Variants in SORCS1 observed in about 807,000 individuals in gnomAD.
SORCS1 encodes the protein sortilin related VPS10 domain containing receptor 1.
In SORCS1, 60 loss-of-function variants were observed where a neutral mutation model predicts 146.1. The observed-to-expected ratio is 0.41, with a 90% CI of 0.33 to 0.51. The LOEUF (loss-of-function observed/expected upper bound fraction) is 0.51, where lower values mean the gene tolerates loss of function less well. SORCS1 is among the 20% of genes least tolerant of loss of function. The probability of loss-of-function intolerance (pLI) is 0.21; values close to 1 mark genes in which losing one functional copy is unlikely to be tolerated. For synonymous variants in SORCS1, 637 were observed against 584.0 expected, an observed-to-expected ratio of 1.09 and a Z score of -1.31; for missense variants, 1,352 against 1,487.6, an observed-to-expected ratio of 0.91 and a Z score of 1.50.
chr10:107,137,862 CA>C (rs57279379), intron 1 of SORCS1, among the ~76,000 whole-genome samples: 11,761 of 95,440 alleles, frequency 0.12, 443 homozygotes, highest in African/African-American at 0.14. Context: ...AACTCCGTCT[CA>C]AAAAAAAAAA....
At chr10:106,966,508 A>G (rs999273225) in intron 1 of SORCS1, among the ~76,000 whole-genome samples, 1 of 152,170 alleles carries the variant, frequency 6.6e-6, no homozygotes, top group Non-Finnish European at 1.5e-5. Context: ...TATTTATGTA[A>G]AATCCTCTGC....
At chr10:106,760,735 A>G (rs1859042087) in intron 5 of SORCS1, among the ~76,000 whole-genome samples, 1 of 151,412 alleles carries the variant, frequency 6.6e-6, no homozygotes, top group Non-Finnish European at 1.5e-5. Context: ...ACACACACAC[A>G]CGCACATTTG....
At chr10:107,034,929 G>T (rs1348498090) in intron 1 of SORCS1, among the ~76,000 whole-genome samples, 2 of 151,728 alleles carry the variant, frequency 1.3e-5, no homozygotes, top group African/African-American at 4.8e-5. Context: ...AATTATACAA[G>T]AATGCTAACC....
In SORCS1 at chr10:106,802,516, G is replaced by A. The variant is rs184657104; in HGVS notation, c.727-25824C>T. On this transcript the variant is annotated intron_variant, in intron 3 of 25. Transcript: ENST00000263054. ...CCAGCTAATTTTTTTTTTTTTTTTC[G>A]AGATGGAGTTTCACTCTTTTTGCCC... is the stretch of plus-strand genomic sequence containing the variant. Among the ~76,000 whole-genome samples, 114 of 143,522 alleles carry A rather than the reference G, an allele frequency of 7.9e-4. 1 individual carries two copies. Among genetic ancestry groups the A allele is most frequent in the Non-Finnish European group, 1.4e-3 (92 of 65,878 alleles). 94.2% of individuals were successfully genotyped at this position (143,522 alleles called of 152,430 possible). A position where few individuals can be genotyped will look rare whatever the true frequency, so the allele number is the denominator to read the frequency against.
chr10:106,987,667 C>A (rs1051537324), intron 1 of SORCS1, among the ~76,000 whole-genome samples: 1 of 152,164 alleles, frequency 6.6e-6, no homozygotes, highest in African/African-American at 2.4e-5. Flanking sequence ...CAGTTTCTGT[C>A]TGTTGCTGAT....
intron 2 of SORCS1, among the ~76,000 whole-genome samples, chr10:106,919,780 G>A (rs1269106379): frequency 6.6e-6 from 1 of 152,154 alleles, no homozygotes; most frequent in African/African-American, 2.4e-5. Flanking sequence ...TATGAGTGGA[G>A]TGACCATGTA....
Position 106,992,205 on chromosome 10 carries a change from C to T in SORCS1, c.559-35625G>A, listed in dbSNP as rs142024731. Reference sequence around the variant, plus strand: ...TTCGTCATGAGCTTAAAAGCACAGGCATGGTGGACAAAGGAGCCCCTGACT... The same window carrying T: ...TTCGTCATGAGCTTAAAAGCACAGGTATGGTGGACAAAGGAGCCCCTGACT... On this transcript the variant is annotated intron_variant, in intron 1 of 25. Transcript: ENST00000263054. Among the ~76,000 whole-genome samples, 5 of 152,250 alleles carry T rather than the reference C, an allele frequency of 3.3e-5. No homozygotes were observed. In the East Asian group the frequency reaches 7.7e-4, roughly 24 times the overall value.
At position 106,868,406 on chromosome 10, in the gene SORCS1, G is replaced by A. The variant is rs143625495; in HGVS notation, c.627-38733C>T. Among the ~76,000 whole-genome samples the A allele has an allele frequency of 9.5e-4, 145 of 152,126 alleles. 1 individual carries two copies. Among genetic ancestry groups the A allele is most frequent in the African/African-American group, 3.3e-3 (135 of 41,510 alleles). On this transcript the variant is annotated intron_variant, in intron 2 of 25. Coordinates refer to ENST00000263054, the MANE Select transcript of SORCS1 (RefSeq NM_052918.5). ...CAACAGAATATACATTCTTCTCATC[G>A]TCATATGGTGCATAACTCTAAAATC...
At position 106,994,063 on chromosome 10, in the gene SORCS1, CAAA is replaced by C. The variant is rs67408221; in HGVS notation, c.559-37486_559-37484del. Among the ~76,000 whole-genome samples, 545 of 80,808 alleles carry C rather than the reference CAAA, an allele frequency of 6.7e-3. 9 individuals are homozygous for C. The highest frequency in any genetic ancestry group is 0.027 in the African/African-American group (515 of 18,848). 53.0% of individuals were successfully genotyped at this position (80,808 alleles called of 152,430 possible). A position where few individuals can be genotyped will look rare whatever the true frequency, so the allele number is the denominator to read the frequency against. On this transcript the variant is annotated intron_variant, in intron 1 of 25. Transcript: ENST00000263054. ...TGGGTGACAGAGCAAGACCCCATCT[CAAA>C]AAAAAAAAAAAAAAAAAAAAAGAAA... is the stretch of plus-strand genomic sequence containing the variant.
intron 21 of SORCS1, among the ~76,000 whole-genome samples, chr10:106,616,718 C>A (rs931247838): frequency 1.3e-5 from 2 of 152,112 alleles, no homozygotes; most frequent in African/African-American, 4.8e-5. Flanking sequence ...TAACACCCAG[C>A]CATGAAAGGA....
chr10:106,628,906 C>T (rs1242714026), intron 19 of SORCS1, among the ~76,000 whole-genome samples: 1 of 152,182 alleles, frequency 6.6e-6, no homozygotes, highest in Non-Finnish European at 1.5e-5. Context: ...AATAGCTCTG[C>T]AAGTTACTTA....
intron 1 of SORCS1, among the ~76,000 whole-genome samples, chr10:107,028,284 G>A (rs761963392): frequency 7.2e-5 from 11 of 152,260 alleles, no homozygotes; most frequent in Non-Finnish European, 1.3e-4. Context: ...ACCCTTAAAT[G>A]CTCAATTCCC....
intron 19 of SORCS1, among the ~76,000 whole-genome samples, chr10:106,621,996 G>A (rs1015558389): frequency 3.3e-5 from 5 of 152,032 alleles, no homozygotes; most frequent in Admixed American, 6.6e-5. Flanking sequence ...TAAGATTCCC[G>A]TGATTGGGAA....
chr10:106,673,004 TA>T lies in SORCS1; in HGVS notation c.1941-20del, dbSNP rs776105705. The T allele has an allele frequency of 1.6e-5, 25 of 1,586,360 alleles. No homozygotes were observed. The Admixed American group carries it at 4.2e-4, about 27-fold the overall frequency. On this transcript the variant is annotated intron_variant, in intron 14 of 25. Transcript: ENST00000263054. ...AAACACTCTACAGAGTTCATGGTGA[TA>T]AAAATAATTACAATGATAACAATGT... is the stretch of plus-strand genomic sequence containing the variant.
chr10:106,825,743 G>T (rs529644309), intron 3 of SORCS1, among the ~76,000 whole-genome samples: 21 of 152,208 alleles, frequency 1.4e-4, no homozygotes, highest in South Asian at 4.2e-4. Context: ...GAACTGGGGT[G>T]GGGGGAACTG....
chr10:106,844,918 T>A (rs1304370621), intron 2 of SORCS1, among the ~76,000 whole-genome samples: 3 of 150,354 alleles, frequency 2.0e-5, no homozygotes, highest in Non-Finnish European at 3.0e-5. Context: ...AACTCATCAT[T>A]TTTTATGGCT....
At chr10:107,101,268 C>G (rs1230412169) in intron 1 of SORCS1, among the ~76,000 whole-genome samples, 1 of 152,200 alleles carries the variant, frequency 6.6e-6, no homozygotes, top group Non-Finnish European at 1.5e-5. Flanking sequence ...TGCTCTTGAA[C>G]TCCTGACCTT....
intron 3 of SORCS1, among the ~76,000 whole-genome samples, chr10:106,800,195 C>T (rs1165138630): frequency 6.6e-6 from 1 of 152,050 alleles, no homozygotes; most frequent in South Asian, 2.1e-4. Flanking sequence ...TAGCTCTAAC[C>T]TCTCAAGCAA....
chr10:106,788,094 C>A, intron 3 of SORCS1, among the ~76,000 whole-genome samples: 1 of 150,002 alleles, frequency 6.7e-6, no homozygotes, highest in East Asian at 1.9e-4. Context: ...TACTGACATG[C>A]AGATATGACT....
Sources: allele counts gnomAD v4.1 joint callset (sites outside exome capture counted in the v4.1 genomes callset), GRCh38; gene constraint gnomAD v4.1.1; transcripts MANE v1.5; gene names NCBI Gene and HGNC (gene_info 2026-07-23, HGNC 2026-07-21).